The following RTTN variants were observed in gnomAD, a reference collection of about 807,000 sequenced individuals.
The protein encoded by RTTN is rotatin.
Under a neutral mutation model 269.2 loss-of-function variants are expected in RTTN, and 182 were observed. The ratio of observed to expected loss-of-function variants is 0.68; its 90% CI spans 0.60 to 0.76. RTTN has a LOEUF of 0.76. Among genes scored for constraint, RTTN ranks in the 30% least tolerant of loss-of-function variants. The pLI is 0.00. For missense variants in RTTN, 2,545 were observed against 2,608.6 expected, an observed-to-expected ratio of 0.98 and a Z score of 0.53; for synonymous variants, 1,006 against 963.5, an observed-to-expected ratio of 1.04 and a Z score of -0.82.
At chr18:70,024,620 A>T in intron 44 of RTTN, 102 bp downstream of exon 44, 2 of 1,084,540 alleles carry the variant, frequency 1.8e-6, no homozygotes, top group Non-Finnish European at 1.3e-6. Context: ...TAAATCAGAG[A>T]AATACTTCAA....
At chr18:70,105,787 T>G (rs1261765115) in intron 28 of RTTN, among the ~76,000 whole-genome samples, 1 of 152,158 alleles carries the variant, frequency 6.6e-6, no homozygotes, top group Non-Finnish European at 1.5e-5. Context: ...TATACATTAT[T>G]TAAATCATTA....
chr18:70,086,777 T>C (rs2058713252), intron 31 of RTTN, 93 bp from the exon 32 acceptor site: 1 of 1,145,866 alleles, frequency 8.7e-7, no homozygotes, highest in Non-Finnish European at 1.2e-6. Flanking sequence ...ATAACCAATA[T>C]ATTGTAATTA....
chr18:70,113,140 C>G (rs1310098205), intron 27 of RTTN, among the ~76,000 whole-genome samples: 1 of 152,068 alleles, frequency 6.6e-6, no homozygotes, highest in South Asian at 2.1e-4. Flanking sequence ...ACACAATGTA[C>G]CAGAATCTCT....
intron 27 of RTTN, among the ~76,000 whole-genome samples, chr18:70,112,988 A>C (rs2059512711): frequency 6.6e-6 from 1 of 152,244 alleles, no homozygotes; most frequent in Admixed American, 6.5e-5. Context: ...CAGTGCAATC[A>C]AACTGGAACT....
chr18:70,083,585 A>G (rs189976276), intron 32 of RTTN, among the ~76,000 whole-genome samples: 256 of 152,330 alleles, frequency 1.7e-3, no homozygotes, highest in Non-Finnish European at 1.7e-3. Context: ...TAAAATGGGA[A>G]TTGCAGTGGT....
chr18:70,128,359 C>G lies in RTTN; in HGVS notation c.3142G>C (p.Glu1048Gln). The G allele has an allele frequency of 6.2e-7, 1 of 1,610,342 alleles. No homozygotes were observed. The highest frequency in any genetic ancestry group is 8.5e-7 in the Non-Finnish European group (1 of 1,177,606). ...KQMNSETKTQ[E>Q]ILDALKLSTE... Reference sequence around the variant, plus strand: ...TTTTAAACTAATATAAGAGCTTACTCTTGCGTTTTAGTTTCAGAGTTCATT... The same window carrying G: ...TTTTAAACTAATATAAGAGCTTACTGTTGCGTTTTAGTTTCAGAGTTCATT... Residue 1048 changes from glutamate to glutamine, a missense_variant and splice_region_variant, in exon 24 of 49, where the codon GAA (glutamate) becomes CAA (glutamine). By Grantham distance (29) the Glu-to-Gln change is conservative. Coordinates refer to ENST00000640769, the MANE Select transcript of RTTN (RefSeq NM_173630.4).
chr18:70,040,345 T>C (rs993421089), intron 40 of RTTN, among the ~76,000 whole-genome samples: 2 of 151,762 alleles, frequency 1.3e-5, no homozygotes, highest in Non-Finnish European at 2.9e-5. Context: ...ACAAAATAGA[T>C]GTCAAAACAA....
At chr18:70,075,047 A>G (rs1174703999) in intron 33 of RTTN, 2 of 206,980 alleles carry the variant, frequency 9.7e-6, no homozygotes, top group African/African-American at 4.7e-5. Context: ...ATAAAGTATT[A>G]ATAAGATGTC....
At chr18:70,093,054 A>C (rs1052343293) in intron 28 of RTTN, among the ~76,000 whole-genome samples, 10 of 152,154 alleles carry the variant, frequency 6.6e-5, no homozygotes, top group African/African-American at 2.4e-4. Context: ...AAAAGAAAAA[A>C]ATTAGCCAGG....
At chr18:70,012,659 G>A (rs115446173) in intron 46 of RTTN, among the ~76,000 whole-genome samples, 2,145 of 151,714 alleles carry the variant, frequency 0.014, 33 homozygotes, top group African/African-American at 0.05. Flanking sequence ...CTGCTCACTG[G>A]TACTGGTTAG....
chr18:70,173,713 T>A (rs186829299), intron 11 of RTTN, among the ~76,000 whole-genome samples: 23 of 152,276 alleles, frequency 1.5e-4, no homozygotes, highest in Non-Finnish European at 2.8e-4. Flanking sequence ...ATCTGAGATA[T>A]TTTTACCACT....
At chr18:70,031,301 C>T (rs1157568308) in intron 40 of RTTN, 13 of 406,298 alleles carry the variant, frequency 3.2e-5, no homozygotes, top group African/African-American at 8.2e-5. Flanking sequence ...TATGTGTGTA[C>T]CTTATTAAAA....
At chr18:70,139,042 TG>T (rs1175003893) in intron 21 of RTTN, 5 of 149,730 alleles carry the variant, frequency 3.3e-5, no homozygotes, top group African/African-American at 1.2e-4. Context: ...CAAAACTACA[TG>T]AAACGTGTTC....
intron 28 of RTTN, among the ~76,000 whole-genome samples, chr18:70,103,925 T>C (rs1309013832): frequency 6.6e-6 from 1 of 152,180 alleles, no homozygotes; most frequent in African/African-American, 2.4e-5. Flanking sequence ...TTAATATTTT[T>C]TCTGTCATTT....
Position 70,104,054 on chromosome 18 carries a change from G to A in RTTN, c.3903+5444C>T, listed in dbSNP as rs557222187. 5.3e-5 allele frequency among the ~76,000 whole-genome samples: 8 copies of A among 152,302 alleles called. No individual in the cohort carries two copies. In the South Asian group the frequency reaches 1.7e-3, roughly 32 times the overall value. On this transcript the variant is annotated intron_variant, in intron 28 of 48. Transcript: ENST00000640769. ...TGGCCTGCCTTGCTAGGTTGGGGAA[G>A]TTCTCCTGGATAATATCCTGAAGAG...
chr18:70,031,001 A>T lies in RTTN; in HGVS notation c.5542-20T>A. ...ATAGCACTGCAGAGAATATAAATCA[A>T]ACTGCCTTGAAGAAATATTTAATCT... On this transcript the variant is annotated intron_variant, in intron 40 of 48. Transcript: ENST00000640769. 1 of 1,539,452 alleles carries T rather than the reference A, an allele frequency of 6.5e-7. No homozygotes were observed. Among genetic ancestry groups the T allele is most frequent in the South Asian group, 1.2e-5 (1 of 86,448 alleles).
At chr18:70,083,905 C>CT (rs5825988) in intron 32 of RTTN, among the ~76,000 whole-genome samples, 119,525 of 145,380 alleles carry the variant, frequency 0.82, 51,984 homozygotes, top group East Asian at 1. Context: ...GAGACCCCAT[C>CT]TTTTTTTTTT....
chr18:70,041,357 A>G (rs1851765571), intron 40 of RTTN, among the ~76,000 whole-genome samples: 1 of 150,008 alleles, frequency 6.7e-6, no homozygotes, highest in Admixed American at 6.7e-5. Flanking sequence ...CTGAAATCCC[A>G]TTAAAATGAC....
chr18:70,048,085 A>T lies in RTTN; in HGVS notation c.5427T>A (p.His1809Gln). ...SVLLTEEAKGHLQAKSKTHLC... is the reference protein window; with the variant it reads ...SVLLTEEAKGQLQAKSKTHLC... Reference sequence around the variant, plus strand: ...AATGTGTTTTGCTCTTAGCCTGGAGATGCCCTTTTGCTTCTTCGGTCAAGA... The same window carrying T: ...AATGTGTTTTGCTCTTAGCCTGGAGTTGCCCTTTTGCTTCTTCGGTCAAGA... Residue 1809 changes from histidine (H) to glutamine (Q), a missense_variant, in exon 40 of 49, where the codon CAT becomes CAA. By Grantham distance (24) the His-to-Gln change is conservative. Transcript: ENST00000640769. 6.2e-7 allele frequency: 1 copy of T among 1,614,142 alleles called. No homozygotes were observed. The highest frequency in any genetic ancestry group is 8.5e-7 in the Non-Finnish European group (1 of 1,180,008).
Sources: gnomAD v4.1 joint callset for allele counts (sites outside exome capture counted in the v4.1 genomes callset) on GRCh38, gnomAD v4.1.1 for gene constraint, MANE v1.5 for transcripts, NCBI Gene and HGNC (gene_info 2026-07-23, HGNC 2026-07-21) for gene names.